OR2L13: variants seen among roughly 807,000 people sequenced by gnomAD.
OR2L13 encodes olfactory receptor 2L13.
A neutral mutation model predicts 15.3 loss-of-function variants in OR2L13; 14 were observed. The observed-to-expected ratio is 0.91, with a 90% CI of 0.60 to 1.43. The LOEUF is 1.43. Among genes scored for constraint, OR2L13 ranks in the 40% most tolerant of loss-of-function variants. The pLI is 0.00. For synonymous variants in OR2L13, 152 were observed against 142.9 expected (o/e 1.06, Z -0.45); for missense variants, 367 against 387.9 (o/e 0.95, Z 0.45).
chr1:247,948,756 T>C, the OR2L13 span: 1 of 921,142 alleles, frequency 1.1e-6, no homozygotes, highest in Non-Finnish European at 1.7e-6. Flanking sequence ...GTTTCAAACA[T>C]CCACTGGGGG....
chr1:247,966,802 G>GT, the OR2L13 span, among the ~76,000 whole-genome samples: 2 of 152,062 alleles, frequency 1.3e-5, no homozygotes, highest in African/African-American at 2.4e-5. Context: ...GATTAATAAT[G>GT]TTTCTTTAAG....
the OR2L13 span, chr1:248,035,762 G>GTGACC: frequency 1.3e-5 from 2 of 152,100 alleles, no homozygotes; most frequent in African/African-American, 4.8e-5. Context: ...ACAGTCAATA[G>GTGACC]TGACCTGCTT....
chr1:248,051,880 G>T, the OR2L13 span, among the ~76,000 whole-genome samples: 255 of 152,092 alleles, frequency 1.7e-3, no homozygotes, highest in Middle Eastern at 3.4e-3. Flanking sequence ...ATGGTTCCAG[G>T]TTTACAATAA....
chr1:248,082,495 T>C, the OR2L13 span, among the ~76,000 whole-genome samples: 1 of 151,472 alleles, frequency 6.6e-6, no homozygotes, highest in Non-Finnish European at 1.5e-5. Flanking sequence ...ACTTAAAGTA[T>C]AATAAAAAAA....
the OR2L13 span, among the ~76,000 whole-genome samples, chr1:247,966,588 A>G: frequency 6.6e-6 from 1 of 152,230 alleles, no homozygotes; most frequent in East Asian, 1.9e-4. Flanking sequence ...GATAATCTAT[A>G]TAACAACCAA....
At chr1:247,960,717 C>T in the OR2L13 span, among the ~76,000 whole-genome samples, 37 of 152,178 alleles carry the variant, frequency 2.4e-4, no homozygotes, top group African/African-American at 8.4e-4. Context: ...AGTGAGGCTC[C>T]GTTGGCGTAG....
chr1:248,002,922 T>C, the OR2L13 span, among the ~76,000 whole-genome samples: 13 of 152,050 alleles, frequency 8.5e-5, no homozygotes, highest in Non-Finnish European at 1.2e-4. Context: ...TCAGAAGAAA[T>C]TGTACCAGCT....
chr1:248,092,986 A>G (rs187159918), upstream of OR2L13, among the ~76,000 whole-genome samples: 34 of 152,284 alleles, frequency 2.2e-4, no homozygotes, highest in African/African-American at 7.9e-4. Flanking sequence ...GGAGATGCTG[A>G]GAGGGGCTGA....
chr1:248,003,732 G>A, the OR2L13 span: 2 of 1,613,846 alleles, frequency 1.2e-6, no homozygotes, highest in Non-Finnish European at 8.5e-7. Flanking sequence ...GTGCTTTTGA[G>A]TGCCACCATC....
At chr1:247,954,134 A>T in the OR2L13 span, among the ~76,000 whole-genome samples, 9 of 152,296 alleles carry the variant, frequency 5.9e-5, no homozygotes, top group Non-Finnish European at 1.3e-4. Context: ...GAAAGCTCAC[A>T]TAGGAGATAA....
the OR2L13 span, among the ~76,000 whole-genome samples, chr1:247,988,359 C>A: frequency 1.3e-5 from 2 of 151,918 alleles, no homozygotes; most frequent in South Asian, 4.2e-4. Flanking sequence ...TTTTTAATTT[C>A]CAAGAGTCAT....
the OR2L13 span, chr1:247,949,815 G>T: frequency 6.3e-7 from 1 of 1,584,782 alleles, no homozygotes; most frequent in East Asian, 2.2e-5. Context: ...TCTGCCTAAG[G>T]TCTCAGGACT....
At chr1:247,938,566 A>AT in the OR2L13 span, among the ~76,000 whole-genome samples, 4 of 152,148 alleles carry the variant, frequency 2.6e-5, no homozygotes, top group Non-Finnish European at 4.4e-5. Flanking sequence ...GCTAAAAAAC[A>AT]TTTTTTTCCT....
At chr1:247,948,976 G>T in the OR2L13 span, 1 of 1,613,726 alleles carries the variant, frequency 6.2e-7, no homozygotes, top group East Asian at 2.2e-5. Context: ...GCTCTAATTG[G>T]AAACCTGTCC....
chr1:248,077,772 G>T, the OR2L13 span, among the ~76,000 whole-genome samples: 1 of 152,170 alleles, frequency 6.6e-6, no homozygotes, highest in Non-Finnish European at 1.5e-5. Flanking sequence ...TCTGTCAAAG[G>T]ACTTGTGTAG....
the OR2L13 span, among the ~76,000 whole-genome samples, chr1:247,998,317 CAATGG>C: frequency 1.3e-5 from 2 of 152,032 alleles, no homozygotes; most frequent in Non-Finnish European, 2.9e-5. Flanking sequence ...AGGTGATGAT[CAATGG>C]AAGAGATAGG....
At chr1:247,943,984 G>A in the OR2L13 span, among the ~76,000 whole-genome samples, 2 of 152,018 alleles carry the variant, frequency 1.3e-5, no homozygotes, top group African/African-American at 2.4e-5. Context: ...TTGAAAAAAG[G>A]TTGCCATGTA....
At chr1:248,034,934 A>G in the OR2L13 span, among the ~76,000 whole-genome samples, 5 of 152,186 alleles carry the variant, frequency 3.3e-5, no homozygotes, top group Non-Finnish European at 1.5e-5. Context: ...TTAATTATTT[A>G]TAACAGTTTT....
At chr1:248,067,662 G>A in the OR2L13 span, among the ~76,000 whole-genome samples, 2 of 152,186 alleles carry the variant, frequency 1.3e-5, no homozygotes, top group Admixed American at 6.5e-5. Context: ...TGGGTGCAGC[G>A]CACCGTGTGC....
Sources: gnomAD v4.1 joint callset for allele counts (sites outside exome capture counted in the v4.1 genomes callset) on GRCh38, gnomAD v4.1.1 for gene constraint, MANE v1.5 for transcripts, NCBI Gene and HGNC (gene_info 2026-07-23, HGNC 2026-07-21) for gene names.